The following P3H1 variants were observed in gnomAD, a reference collection of about 807,000 sequenced individuals.
P3H1 encodes growth suppressor 1.
Under a neutral mutation model 84.0 loss-of-function variants are expected in P3H1, and 69 were observed. That is an observed-to-expected ratio of 0.82 (90% CI 0.68 to 1.00). P3H1 has a LOEUF of 1.00. Ranked by LOEUF, P3H1 falls within the 50% of genes least tolerant of loss-of-function variation. The pLI is 0.00. For synonymous variants in P3H1, 366 were observed against 388.8 expected (o/e 0.94, Z 0.69); for missense variants, 878 against 962.8 (o/e 0.91, Z 1.17).
At position 42,748,018 on chromosome 1, in the gene P3H1, C is replaced by T. The variant is rs74070019; in HGVS notation, c.1838+182G>A. ...TCACACTACCGTTCTTGTCACACCA[C>T]GATATGATTCCCTCTTTGCCTATCT... is the stretch of plus-strand genomic sequence containing the variant. On this transcript the variant is annotated intron_variant, in intron 12 of 14. Coordinates refer to ENST00000296388, the MANE Select transcript of P3H1 (RefSeq NM_022356.4). Among the ~76,000 whole-genome samples, 3,262 of 152,264 alleles carry T rather than the reference C, an allele frequency of 0.021. 116 individuals carry two copies. The highest frequency in any genetic ancestry group is 0.075 in the African/African-American group (3,122 of 41,508).
In P3H1 at chr1:42,746,793, G is replaced by A. The variant is rs199887811; in HGVS notation, c.2115C>T (p.Leu705=). Residue 705 remains leucine, a synonymous_variant, in exon 15 of 15, where the codon CTC becomes CTT. Coordinates refer to ENST00000296388, the MANE Select transcript of P3H1 (RefSeq NM_022356.4). ...GGGCATCCAGGGGCTGCTCCTGGGA[G>A]AGGTCCATCTCTTCTGGGCTGAAGA... ...KMLFSPEEMD[L]SQEQPLDAQQ... 7.4e-4 allele frequency: 1,178 copies of A among 1,582,822 alleles called. 4 individuals carry two copies. In the African/African-American group the frequency reaches 0.014, roughly 19 times the overall value.
At chr1:42,766,021 C>CAACA (rs1553144412) in intron 1 of P3H1, among the ~76,000 whole-genome samples, 1 of 141,238 alleles carries the variant, frequency 7.1e-6, no homozygotes, top group African/African-American at 2.9e-5. Flanking sequence ...CCCCCCGCCC[C>CAACA]CACACACACA....
rs375305175 is a variant in P3H1 at position 42,752,317 on chromosome 1, G to T, written c.1526C>A (p.Pro509His). The change falls in exon 10 of 15, where the codon CCC (proline) becomes CAC (histidine). Residue 509 changes from proline (P) to histidine (H), a missense_variant. Transcript: ENST00000296388. Reference protein sequence around the residue: ...GYRGQTSPHTPNEKFYGVTVF... With the variant: ...GYRGQTSPHTHNEKFYGVTVF... The stretch of plus-strand genomic sequence containing the variant: ...AGTGACACCATAGAACTTTTCATTG[G>T]GAGTATGTGGGGAGGTCTGACCCCG... The T allele has an allele frequency of 1.2e-5, 19 of 1,614,128 alleles. No homozygotes were observed. Among genetic ancestry groups the T allele is most frequent in the Non-Finnish European group, 1.5e-5 (18 of 1,180,030 alleles).
chr1:42,746,921 A>G (rs779131482), intron 14 of P3H1, 69 bp from the exon 15 acceptor site: 2 of 1,613,990 alleles, frequency 1.2e-6, no homozygotes, highest in African/African-American at 2.7e-5. Flanking sequence ...CTCAGCTGCT[A>G]CTTCCCAGGG....
chr1:42,751,181 G>T (rs1652055061), intron 10 of P3H1, among the ~76,000 whole-genome samples: 1 of 133,208 alleles, frequency 7.5e-6, no homozygotes, highest in South Asian at 2.8e-4. Context: ...GGTCTGTGTG[G>T]ATAGAAGTAG....
intron 5 of P3H1, among the ~76,000 whole-genome samples, 182 bp from the exon 6 acceptor site, chr1:42,755,819 G>C (rs1424300003): frequency 1.3e-5 from 2 of 152,074 alleles, no homozygotes; most frequent in Non-Finnish European, 2.9e-5. Flanking sequence ...TCCTCTGCCT[G>C]GCACAAGCAA....
At chr1:42,761,347 T>C (rs1314438616) in intron 2 of P3H1, 1 of 152,228 alleles carries the variant, frequency 6.6e-6, no homozygotes, top group Admixed American at 6.5e-5. Flanking sequence ...CTCTATAAAA[T>C]GCTATATCAT....
At chr1:42,762,603 CCT>C (rs1652781309) in intron 1 of P3H1, 128 bp from the exon 2 acceptor site, 1 of 955,376 alleles carries the variant, frequency 1.0e-6, no homozygotes, top group African/African-American at 1.6e-5. Context: ...GTGCCCAGCC[CCT>C]GCCAGCCCCA....
chr1:42,752,695 T>A (rs1319464644), intron 8 of P3H1, 31 bp from the exon 9 acceptor site: 1 of 1,613,760 alleles, frequency 6.2e-7, no homozygotes, highest in Non-Finnish European at 8.5e-7. Context: ...TCTAGCTAAA[T>A]CTAGCAGCAG....
At chr1:42,755,245 G>A (rs901608364) in intron 6 of P3H1, 28 bp from the exon 7 acceptor site, 2 of 1,605,906 alleles carry the variant, frequency 1.2e-6, no homozygotes, top group East Asian at 4.5e-5. Context: ...AAATGAAAAA[G>A]GTAAGATGAT....
At chr1:42,759,745 G>A (rs1652604184) in intron 2 of P3H1, among the ~76,000 whole-genome samples, 1 of 151,364 alleles carries the variant, frequency 6.6e-6, no homozygotes, top group African/African-American at 2.4e-5. Context: ...ATTGTGCCCA[G>A]CTAATTTTTG....
In P3H1 at chr1:42,747,277, C is replaced by T. The variant is rs759714439; in HGVS notation, c.2050G>A (p.Glu684Lys). The change falls in exon 14 of 15, where the codon GAG becomes AAG. Residue 684 changes from glutamate (E) to lysine (K), a missense_variant. Transcript: ENST00000296388. ...LWFTLDPRHS[E>K]RDRVQADDLV... The stretch of plus-strand genomic sequence containing the variant: ...CCCGCTCGAGCTGCTCTCACCCGCT[C>T]GCTGTGTCGAGGGTCCAGGGTGAAC... The T allele has an allele frequency of 2.5e-5, 40 of 1,613,868 alleles. No homozygotes were observed. Among genetic ancestry groups the T allele is most frequent in the East Asian group, 4.5e-5 (2 of 44,890 alleles).
intron 1 of P3H1, among the ~76,000 whole-genome samples, chr1:42,763,959 G>C (rs1051798455): frequency 5.9e-5 from 9 of 151,780 alleles, no homozygotes; most frequent in Non-Finnish European, 1.2e-4. Flanking sequence ...CGGATCATGA[G>C]GTCAGGAGTT....
At chr1:42,748,502 GT>G (rs1180563069) in intron 11 of P3H1, 185 bp from the exon 12 acceptor site, 1 of 648,538 alleles carries the variant, frequency 1.5e-6, no homozygotes, top group East Asian at 2.8e-5. Flanking sequence ...TCCTAGGACA[GT>G]TCTTGGCAGA....
At position 42,753,895 on chromosome 1, in the gene P3H1, C is replaced by T. The variant is rs549760379; in HGVS notation, c.1345+974G>A. Among the ~76,000 whole-genome samples the T allele has an allele frequency of 8.7e-4, 132 of 150,892 alleles. 2 individuals are homozygous for T. In the East Asian group the frequency reaches 0.024, roughly 27 times the overall value. ...GAGCCAAGATTGCACCACTGCACTC[C>T]AGCCTGGGCAACAGAGCAAGACTCC... On this transcript the variant is annotated intron_variant, in intron 8 of 14. Transcript: ENST00000296388.
In P3H1 at chr1:42,746,718, C is replaced by T. The variant is rs537555305; in HGVS notation, c.2190G>A (p.Ser730=). 5.3e-5 allele frequency: 83 copies of T among 1,551,806 alleles called. No homozygotes were observed. The highest frequency in any genetic ancestry group is 8.2e-5 in the African/African-American group (6 of 73,162). Residue 730 remains serine (S), a synonymous_variant, in exon 15 of 15, where the codon TCG becomes TCA. Transcript: ENST00000296388. ...GCTGTCATAGCTCATCCTTGGGCTT[C>T]GATTCACTGCCTGAGAGAGACTCTT... The part of the protein sequence containing the change: ...PAQESLSGSE[S]KPKDEL
Position 42,765,749 on chromosome 1 carries a change from C to G in P3H1, c.465+758G>C, listed in dbSNP as rs542466834. Among the ~76,000 whole-genome samples, 6 of 152,064 alleles carry G rather than the reference C, an allele frequency of 3.9e-5. No homozygotes were observed. The South Asian group carries it at 1.2e-3, about 32-fold the overall frequency. ...TGCACAACTCTTTCTCCCCCCACCC[C>G]CAATACAGTGGGACTAATAACAGCA... On this transcript the variant is annotated intron_variant, in intron 1 of 14. Coordinates refer to ENST00000296388, the MANE Select transcript of P3H1 (RefSeq NM_022356.4).
intron 7 of P3H1, 49 bp downstream of exon 7, chr1:42,755,116 A>C (rs921952730): frequency 3.1e-6 from 5 of 1,611,668 alleles, no homozygotes; most frequent in Non-Finnish European, 4.2e-6. Flanking sequence ...GGAAGCCTCA[A>C]GTGCTTCATC....
At chr1:42,750,021 A>T in intron 11 of P3H1, 165 bp downstream of exon 11, 4 of 797,148 alleles carry the variant, frequency 5.0e-6, no homozygotes, top group Non-Finnish European at 8.0e-6. Flanking sequence ...AACTTCCTCC[A>T]TGCTACTGTG....
Sources: allele counts gnomAD v4.1 joint callset (sites outside exome capture counted in the v4.1 genomes callset), GRCh38; gene constraint gnomAD v4.1.1; transcripts MANE v1.5; gene names NCBI Gene and HGNC (gene_info 2026-07-23, HGNC 2026-07-21).